Variants in RASSF4 observed in about 807,000 individuals in gnomAD.
RASSF4 encodes ras association domain-containing protein 4.
RASSF4 carries 38 observed loss-of-function variants against 41.1 expected under a neutral mutation model. The observed-to-expected ratio is 0.92, with a 90% CI of 0.71 to 1.21. The LOEUF (loss-of-function observed/expected upper bound fraction) is 1.21. RASSF4 is among the 50% of genes most tolerant of loss of function. The probability of loss-of-function intolerance (pLI) is 0.00; values close to 1 mark genes in which losing one functional copy is unlikely to be tolerated. For missense variants in RASSF4, 414 were observed against 419.4 expected, an observed-to-expected ratio of 0.99 and a Z score of 0.11; for synonymous variants, 179 against 163.4, an observed-to-expected ratio of 1.10 and a Z score of -0.73.
In RASSF4 at chr10:44,982,277, C is replaced by T. The variant is rs545453247; in HGVS notation, c.139-244C>T. 5 of 548,674 alleles carry T rather than the reference C, an allele frequency of 9.1e-6. No homozygotes were observed. The East Asian group carries it at 1.4e-4, about 16-fold the overall frequency. 34.0% of individuals were successfully genotyped at this position (548,674 alleles called of 1,614,324 possible). On this transcript the variant is annotated intron_variant, in intron 3 of 10. Coordinates refer to ENST00000340258, the MANE Select transcript of RASSF4 (RefSeq NM_032023.4). Reference sequence around the variant, plus strand: ...CTGGCTTCCTGTGGGACACCTGACTCAGCCACTGTGTTCTGCGCTGTGCCC... The same window carrying T: ...CTGGCTTCCTGTGGGACACCTGACTTAGCCACTGTGTTCTGCGCTGTGCCC...
At chr10:44,978,198 C>T (rs11818623) in intron 3 of RASSF4, 5 of 652,000 alleles carry the variant, frequency 7.7e-6, no homozygotes, top group African/African-American at 3.8e-5. Context: ...ACCAGAGCTC[C>T]GACTGCTGGG....
chr10:44,984,737 C>T, intron 5 of RASSF4, 76 bp from the exon 6 acceptor site: 1 of 1,540,002 alleles, frequency 6.5e-7, no homozygotes. Flanking sequence ...CTCTAGGGTG[C>T]CAGATCTCCC....
rs762902494 is a variant in RASSF4, at chr10:44,994,447, A to G, written c.*1118A>G. On this transcript the variant is annotated 3_prime_UTR_variant, in exon 11 of 11. Coordinates refer to ENST00000340258, the MANE Select transcript of RASSF4 (RefSeq NM_032023.4). ...GATGGCAGATTTAAAGGGAAGAACC[A>G]CAAAGGCTTGCAAAGATAGGAGAGG... 2 of 152,668 alleles carry G rather than the reference A, an allele frequency of 1.3e-5. No homozygotes were observed. Among genetic ancestry groups the G allele is most frequent in the Non-Finnish European group, 2.9e-5 (2 of 68,062 alleles). The allele number at this position is 152,668 out of a possible 1,614,324, so 9.5% of individuals were successfully genotyped here. A position where few individuals can be genotyped will look rare whatever the true frequency, so the allele number is the denominator to read the frequency against.
chr10:44,980,356 T>C (rs1192441152), intron 3 of RASSF4, among the ~76,000 whole-genome samples: 2 of 152,202 alleles, frequency 1.3e-5, no homozygotes, highest in Non-Finnish European at 2.9e-5. Flanking sequence ...ATGAGCAGAT[T>C]AGTCAAGAGA....
At chr10:44,977,716 C>G in intron 3 of RASSF4, 1 of 1,611,712 alleles carries the variant, frequency 6.2e-7, no homozygotes, top group Non-Finnish European at 8.5e-7. Context: ...AAAGCCAGTC[C>G]AGGGGGTCCA....
At position 44,989,303 on chromosome 10, in the gene RASSF4, C is replaced by A. The variant is rs184214737; in HGVS notation, c.561C>A (p.Ser187=). Residue 187 remains serine (S), a synonymous_variant, in exon 7 of 11, where the codon TCC becomes TCA. Transcript: ENST00000340258. ...KTSVFTPAYG[S]VTNVRVNSTM... ...CCGTGTTTACTCCAGCCTATGGATCCGTGACCAATGTGAGGGTCAACAGCA... is the reference window on the plus strand; with the variant it reads ...CCGTGTTTACTCCAGCCTATGGATCAGTGACCAATGTGAGGGTCAACAGCA... The A allele has an allele frequency of 1.9e-6, 3 of 1,613,710 alleles. No homozygotes were observed. The highest frequency in any genetic ancestry group is 2.5e-6 in the Non-Finnish European group (3 of 1,179,746).
rs372763597 is a variant in RASSF4, at chr10:44,984,112, G to T, written c.372G>T (p.Ser124=). 2.5e-6 allele frequency: 4 copies of T among 1,597,658 alleles called. No homozygotes were observed. The African/African-American group carries it at 5.4e-5, about 21-fold the overall frequency. ...VHKAESSTDS[S]GPLEEAEEAP... is the part of the protein sequence containing the mutation. ...AGGCTGAGAGTTCCACAGACAGCTC[G>T]GGTAAGCGGAGCCCGCAAGCTGCCC... is the stretch of plus-strand genomic sequence containing the variant. Residue 124 remains serine, a splice_region_variant and synonymous_variant, in exon 5 of 11, where the codon TCG becomes TCT. Coordinates refer to ENST00000340258, the MANE Select transcript of RASSF4 (RefSeq NM_032023.4).
At chr10:44,966,041 A>G (rs1393831256) in intron 1 of RASSF4, among the ~76,000 whole-genome samples, 1 of 152,116 alleles carries the variant, frequency 6.6e-6, no homozygotes, top group African/African-American at 2.4e-5. Flanking sequence ...CCACCACCTC[A>G]CTGTCAACCA....
At chr10:44,986,294 T>A (rs992331425) in intron 6 of RASSF4, among the ~76,000 whole-genome samples, 1 of 152,336 alleles carries the variant, frequency 6.6e-6, no homozygotes, top group Middle Eastern at 3.4e-3. Context: ...CTAAGAGGTG[T>A]GTCTGGTACA....
At chr10:44,966,021 C>T (rs1415971791) in intron 1 of RASSF4, among the ~76,000 whole-genome samples, 1 of 152,210 alleles carries the variant, frequency 6.6e-6, no homozygotes, top group Non-Finnish European at 1.5e-5. Context: ...GAAGATGAGG[C>T]TCTCTGCCAC....
chr10:44,975,765 G>A (rs1235806870), intron 3 of RASSF4, among the ~76,000 whole-genome samples: 2 of 151,260 alleles, frequency 1.3e-5, no homozygotes, highest in East Asian at 3.9e-4. Flanking sequence ...GCCTTCCAAA[G>A]GTGCCATTGA....
intron 10 of RASSF4, among the ~76,000 whole-genome samples, chr10:44,992,808 A>G (rs902707742): frequency 1.3e-5 from 2 of 152,140 alleles, no homozygotes; most frequent in Non-Finnish European, 2.9e-5. Flanking sequence ...AGAGGAGACC[A>G]AAGTCAGAGG....
chr10:44,972,762 G>T (rs990731087), intron 3 of RASSF4, among the ~76,000 whole-genome samples: 7 of 152,204 alleles, frequency 4.6e-5, no homozygotes, highest in Admixed American at 2.0e-4. Context: ...GCTGTTTTTT[G>T]GGGGGTTCTG....
intron 6 of RASSF4, among the ~76,000 whole-genome samples, chr10:44,985,838 C>T (rs2151121): frequency 0.022 from 3,294 of 152,276 alleles, 53 homozygotes; most frequent in Middle Eastern, 0.037. Flanking sequence ...CCCTTCCACC[C>T]CCTGCTAGGC....
intron 1 of RASSF4, among the ~76,000 whole-genome samples, chr10:44,961,323 C>T (rs1401131972): frequency 6.6e-6 from 1 of 152,230 alleles, no homozygotes; most frequent in African/African-American, 2.4e-5. Flanking sequence ...AATCAAGGTC[C>T]AGGGTCGCCC....
intron 3 of RASSF4, among the ~76,000 whole-genome samples, chr10:44,979,105 G>A (rs1016885388): frequency 7.2e-5 from 11 of 152,162 alleles, no homozygotes; most frequent in African/African-American, 2.7e-4. Context: ...CCCAAAGCTT[G>A]TTTCCCACTC....
chr10:44,969,044 TGTGA>T (rs1047348010), intron 1 of RASSF4, among the ~76,000 whole-genome samples: 27 of 151,178 alleles, frequency 1.8e-4, no homozygotes, highest in Non-Finnish European at 3.0e-4. Context: ...ATGTGTTAAG[TGTGA>T]GTGTGTGTGT....
chr10:44,967,393 G>A (rs894637523), intron 1 of RASSF4, among the ~76,000 whole-genome samples: 19 of 152,300 alleles, frequency 1.2e-4, no homozygotes, highest in African/African-American at 4.3e-4. Flanking sequence ...GGTGGTGAGC[G>A]ACCACACGGG....
chr10:44,979,059 C>T (rs887156129), intron 3 of RASSF4, among the ~76,000 whole-genome samples: 2 of 152,278 alleles, frequency 1.3e-5, no homozygotes, highest in Admixed American at 6.5e-5. Context: ...AGGGGTTCCA[C>T]TGGGCCCTCA....
Sources: gnomAD v4.1 joint callset for allele counts (sites outside exome capture counted in the v4.1 genomes callset) on GRCh38, gnomAD v4.1.1 for gene constraint, MANE v1.5 for transcripts, NCBI Gene and HGNC (gene_info 2026-07-23, HGNC 2026-07-21) for gene names.